Variants in RBM6 observed in about 807,000 individuals in gnomAD.
The protein encoded by RBM6 is RNA binding motif protein 6.
A neutral mutation model predicts 140.4 loss-of-function variants in RBM6; 23 were observed. The ratio of observed to expected loss-of-function variants is 0.16; its 90% CI spans 0.12 to 0.23. The LOEUF (loss-of-function observed/expected upper bound fraction) is 0.23, where lower values mean the gene tolerates loss of function less well. Ranked by LOEUF, RBM6 falls within the 10% of genes least tolerant of loss-of-function variation. The probability of loss-of-function intolerance (pLI) is 1.00; values close to 1 mark genes in which losing one functional copy is unlikely to be tolerated. For synonymous variants in RBM6, 439 were observed against 475.6 expected, an observed-to-expected ratio of 0.92 and a Z score of 1.00; for missense variants, 1,139 against 1,386.7, an observed-to-expected ratio of 0.82 and a Z score of 2.84.
At chr3:49,960,744 A>G (rs1350743268) in intron 1 of RBM6, among the ~76,000 whole-genome samples, 1 of 152,128 alleles carries the variant, frequency 6.6e-6, no homozygotes, top group Non-Finnish European at 1.5e-5. Context: ...CCGATTGCTC[A>G]TGCTGGATGG....
chr3:49,952,684 G>A (rs2083793436), intron 1 of RBM6, among the ~76,000 whole-genome samples: 1 of 151,784 alleles, frequency 6.6e-6, no homozygotes, highest in South Asian at 2.1e-4. Context: ...TTTTAGTAGA[G>A]ACAGGGTTTC....
At chr3:50,055,400 A>G (rs1280045687) in intron 8 of RBM6, among the ~76,000 whole-genome samples, 8 of 152,182 alleles carry the variant, frequency 5.3e-5, no homozygotes, top group Admixed American at 1.3e-4. Context: ...ACTGCACTCC[A>G]GCCTAGGCAA....
chr3:50,061,560 C>CTTTTTTGTT lies in RBM6; in HGVS notation c.2439+19_2439+20insGTTTTTTTT. On this transcript the variant is annotated intron_variant, in intron 14 of 20. Coordinates refer to ENST00000266022, the MANE Select transcript of RBM6 (RefSeq NM_005777.3). Reference sequence around the variant, plus strand: ...CCCCAATACCCAGGTGAGTTTGGGGCTTTTTTTTTTTTTTTTTTTTTTTTA... The same window carrying CTTTTTTGTT: ...CCCCAATACCCAGGTGAGTTTGGGGCTTTTTTGTTTTTTTTTTTTTTTTTTTTTTTTTTA... The CTTTTTTGTT allele has an allele frequency of 1.6e-6, 2 of 1,268,040 alleles. No homozygotes were observed. The highest frequency in any genetic ancestry group is 4.7e-5 in the Admixed American group (1 of 21,232). 78.5% of individuals were successfully genotyped at this position (1,268,040 alleles called of 1,614,324 possible).
intron 1 of RBM6, among the ~76,000 whole-genome samples, chr3:49,945,709 C>G (rs1368605336): frequency 6.6e-6 from 1 of 151,594 alleles, no homozygotes; most frequent in East Asian, 1.9e-4. Flanking sequence ...GGTGAAACCC[C>G]GTCTCTACTA....
At chr3:49,986,594 CAAA>C (rs377686651) in intron 5 of RBM6, among the ~76,000 whole-genome samples, 1 of 114,610 alleles carries the variant, frequency 8.7e-6, no homozygotes, top group South Asian at 3.8e-4. Context: ...GACTCCGTCT[CAAA>C]AAAAAAAAAA....
intron 2 of RBM6, among the ~76,000 whole-genome samples, chr3:49,965,541 G>T (rs923101093): frequency 6.6e-6 from 1 of 152,026 alleles, no homozygotes; most frequent in Non-Finnish European, 1.5e-5. Flanking sequence ...GTGGTAGCGG[G>T]CGCCTGTAGT....
rs1452002757 is a variant in RBM6, at chr3:49,999,532, C to T, written c.1557+19C>T. 1 of 1,575,430 alleles carries T rather than the reference C, an allele frequency of 6.3e-7. No individual in the cohort carries two copies. The highest frequency in any genetic ancestry group is 1.7e-5 in the Admixed American group (1 of 59,878). Reference sequence around the variant, plus strand: ...CAACCAGGTTGCTTTATACTTCGGTCAAATGATGCTGGAAGGATATATTTT... The same window carrying T: ...CAACCAGGTTGCTTTATACTTCGGTTAAATGATGCTGGAAGGATATATTTT... On this transcript the variant is annotated intron_variant, in intron 6 of 20. Coordinates refer to ENST00000266022, the MANE Select transcript of RBM6 (RefSeq NM_005777.3).
chr3:49,966,872 T>A (rs762722688), intron 2 of RBM6, among the ~76,000 whole-genome samples: 1 of 152,166 alleles, frequency 6.6e-6, no homozygotes, highest in Non-Finnish European at 1.5e-5. Flanking sequence ...GGGCTGATGC[T>A]CAGCTGGTGA....
intron 19 of RBM6, among the ~76,000 whole-genome samples, chr3:50,074,902 C>T (rs953932513): frequency 1.2e-4 from 18 of 151,858 alleles, no homozygotes; most frequent in Non-Finnish European, 2.4e-4. Context: ...TAATCCAGCA[C>T]TTTGGGAGGC....
chr3:50,007,723 C>T (rs938614904), intron 6 of RBM6, among the ~76,000 whole-genome samples: 4 of 151,734 alleles, frequency 2.6e-5, no homozygotes, highest in Non-Finnish European at 4.4e-5. Flanking sequence ...TTAGTAGAGA[C>T]GGGGTTTCAC....
chr3:50,038,296 A>C (rs2088666627), intron 6 of RBM6, among the ~76,000 whole-genome samples: 1 of 152,146 alleles, frequency 6.6e-6, no homozygotes, highest in South Asian at 2.1e-4. Flanking sequence ...CCTGCCATTA[A>C]GTTTTTAAGA....
chr3:49,999,559 T>A, intron 6 of RBM6, 46 bp downstream of exon 6: 1 of 1,445,832 alleles, frequency 6.9e-7, no homozygotes, highest in Non-Finnish European at 9.7e-7. Context: ...ATATATTTTT[T>A]TATATATGGG....
At chr3:50,026,250 A>G (rs1162672746) in intron 6 of RBM6, among the ~76,000 whole-genome samples, 1 of 151,344 alleles carries the variant, frequency 6.6e-6, no homozygotes. Flanking sequence ...ATGCCCGGCT[A>G]ATTTTTGTAT....
At position 49,967,711 on chromosome 3, in the gene RBM6, A is replaced by G; in HGVS notation, c.286A>G (p.Arg96Gly). 1 of 1,613,844 alleles carries G rather than the reference A, an allele frequency of 6.2e-7. No homozygotes were observed. Among genetic ancestry groups the G allele is most frequent in the Non-Finnish European group, 8.5e-7 (1 of 1,179,906 alleles). ...AGGGGAGGGACCTGGACATGATTTC[A>G]GGGGGGGAGATTTTTCGTCTTCTGA... is the stretch of plus-strand genomic sequence containing the variant. ...RGGEGPGHDF[R>G]GGDFSSSDFQ... Residue 96 changes from arginine to glycine, a missense_variant, in exon 3 of 21, where the codon AGG becomes GGG. This residue lies in a region of RBM6 where 566 missense variants were observed against 612.7 expected (regional missense o/e 0.92). Coordinates refer to ENST00000266022, the MANE Select transcript of RBM6 (RefSeq NM_005777.3). The surrounding 1 kb of genome is among the most constrained non-coding windows in gnomAD (Gnocchi z 4.0).
intron 6 of RBM6, among the ~76,000 whole-genome samples, chr3:50,002,686 C>T (rs965966437): frequency 1.3e-5 from 2 of 152,100 alleles, no homozygotes; most frequent in Admixed American, 6.5e-5. Flanking sequence ...CACGAGTCAC[C>T]GTGCCTGGCC....
chr3:50,044,476 G>T (rs1023714314), intron 6 of RBM6, among the ~76,000 whole-genome samples: 22 of 151,798 alleles, frequency 1.4e-4, no homozygotes, highest in African/African-American at 5.1e-4. Context: ...CAAGCTACTC[G>T]AGAGGCCGAG....
rs1374121691 is a variant in RBM6 at position 49,969,040 on chromosome 3, T to C, written c.1323+292T>C. ...TTATTTATTTATTTATTTATTTATT[T>C]TTGAAACGGAGTCTTGCTCTGTCAC... On this transcript the variant is annotated intron_variant, in intron 3 of 20. Coordinates refer to ENST00000266022, the MANE Select transcript of RBM6 (RefSeq NM_005777.3). Among the ~76,000 whole-genome samples the C allele has an allele frequency of 2.0e-5, 3 of 151,556 alleles. No homozygotes were observed. The East Asian group carries it at 5.8e-4, about 29-fold the overall frequency.
chr3:50,060,753 C>CAAA (rs35467618), intron 11 of RBM6: 940 of 123,854 alleles, frequency 7.6e-3, no homozygotes, highest in East Asian at 0.011. Flanking sequence ...GACTCCGTCT[C>CAAA]AAAAAAAAAA....
intron 5 of RBM6, among the ~76,000 whole-genome samples, chr3:49,987,820 G>A (rs936319846): frequency 1.3e-5 from 2 of 151,990 alleles, no homozygotes; most frequent in East Asian, 1.9e-4. Context: ...TGTATTTTTT[G>A]TAGAGATGGG....
Sources: allele counts gnomAD v4.1 joint callset (sites outside exome capture counted in the v4.1 genomes callset), GRCh38; gene constraint gnomAD v4.1.1; regional missense constraint gnomAD v4.1.1; non-coding constraint Gnocchi (gnomAD v3.1); transcripts MANE v1.5; gene names NCBI Gene and HGNC (gene_info 2026-07-23, HGNC 2026-07-21).